SNTB2: variants seen among roughly 807,000 people sequenced by gnomAD.
SNTB2 encodes the protein beta-2-syntrophin.
In SNTB2, 34 loss-of-function variants were observed where a neutral mutation model predicts 46.2. The ratio of observed to expected loss-of-function variants is 0.74; its 90% CI spans 0.56 to 0.98. The LOEUF is 0.98. Among genes scored for constraint, SNTB2 ranks in the 50% least tolerant of loss-of-function variants. SNTB2 has a pLI of 0.00. For synonymous variants in SNTB2, 290 were observed against 312.6 expected, an observed-to-expected ratio of 0.93 and a Z score of 0.76; for missense variants, 603 against 731.4, an observed-to-expected ratio of 0.82 and a Z score of 2.02.
intron 1 of SNTB2, among the ~76,000 whole-genome samples, chr16:69,201,831 T>A (rs570447450): frequency 6.6e-6 from 1 of 152,306 alleles, no homozygotes; most frequent in Non-Finnish European, 1.5e-5. Flanking sequence ...TATTATTATT[T>A]TTTTTGAGTG....
chr16:69,296,019 C>T (rs1262613269), intron 5 of SNTB2, among the ~76,000 whole-genome samples: 1 of 152,230 alleles, frequency 6.6e-6, no homozygotes, highest in Non-Finnish European at 1.5e-5. Flanking sequence ...GTGGCTCATG[C>T]CTGTAATCCC....
chr16:69,198,582 T>G (rs1419927703), intron 1 of SNTB2, among the ~76,000 whole-genome samples: 2 of 152,212 alleles, frequency 1.3e-5, no homozygotes, highest in East Asian at 3.9e-4. Flanking sequence ...CCTCTCCTAC[T>G]TCTTCTGTGC....
At chr16:69,291,675 C>T (rs946227379) in intron 5 of SNTB2, among the ~76,000 whole-genome samples, 1 of 152,100 alleles carries the variant, frequency 6.6e-6, no homozygotes. Flanking sequence ...CACCACTGCA[C>T]TCCAGCTTAG....
rs1053513506 is a variant in SNTB2 at position 69,303,008 on chromosome 16, A to G, written c.*2084A>G. 4 of 152,010 alleles carry G rather than the reference A, an allele frequency of 2.6e-5. No homozygotes were observed. The highest frequency in any genetic ancestry group is 4.4e-5 in the Non-Finnish European group (3 of 68,102). 9.4% of individuals were successfully genotyped at this position (152,010 alleles called of 1,614,324 possible). A position where few individuals can be genotyped will look rare whatever the true frequency, so the allele number is the denominator to read the frequency against. ...GATTCTCCTGAGTAGCTGGGGTTAT[A>G]GCTACCCACCACCACACCCAGCTAA... On this transcript the variant is annotated 3_prime_UTR_variant, in exon 7 of 7. Transcript: ENST00000336278.
rs578067524 is a variant in SNTB2 at position 69,293,510 on chromosome 16, A to G, written c.1346-6080A>G. On this transcript the variant is annotated intron_variant, in intron 5 of 6. Transcript: ENST00000336278. ...AGAGATGCAAAACGATGTAATGGCA[A>G]TGGCAGATTGCAGAGGTCTGAGGAG... is the stretch of plus-strand genomic sequence containing the variant. Among the ~76,000 whole-genome samples, 4 of 152,194 alleles carry G rather than the reference A, an allele frequency of 2.6e-5. No individual in the cohort carries two copies. The South Asian group carries it at 6.2e-4, about 24-fold the overall frequency.
At chr16:69,238,999 C>T (rs1387303575) in intron 1 of SNTB2, among the ~76,000 whole-genome samples, 1 of 152,156 alleles carries the variant, frequency 6.6e-6, no homozygotes, top group Non-Finnish European at 1.5e-5. Context: ...GCCCCGTTAC[C>T]TTTGTGACCC....
chr16:69,197,892 T>G (rs1442595242), intron 1 of SNTB2, among the ~76,000 whole-genome samples: 12 of 152,222 alleles, frequency 7.9e-5, no homozygotes, highest in Non-Finnish European at 1.8e-4. Flanking sequence ...GTATTGTCTC[T>G]TCAAAGATTA....
chr16:69,218,328 A>T (rs2152293180), intron 1 of SNTB2, among the ~76,000 whole-genome samples: 1 of 152,286 alleles, frequency 6.6e-6, no homozygotes, highest in Non-Finnish European at 1.5e-5. Flanking sequence ...AATATTTGTC[A>T]TGGAATTTTG....
chr16:69,224,084 A>G (rs2152294005), intron 1 of SNTB2, among the ~76,000 whole-genome samples: 1 of 152,228 alleles, frequency 6.6e-6, no homozygotes, highest in Middle Eastern at 3.4e-3. Flanking sequence ...CAGAGAAGTG[A>G]TGTATCATTC....
chr16:69,215,396 AAAAAG>A (rs1221175535), intron 1 of SNTB2, among the ~76,000 whole-genome samples: 3 of 152,162 alleles, frequency 2.0e-5, no homozygotes, highest in Non-Finnish European at 4.4e-5. Context: ...CTAAAAATAA[AAAAAG>A]AAAAGTGAGA....
chr16:69,258,614 T>C (rs998063858), intron 2 of SNTB2, among the ~76,000 whole-genome samples: 3 of 142,986 alleles, frequency 2.1e-5, no homozygotes, highest in Admixed American at 2.1e-4. Context: ...TCTTTTTTTT[T>C]TTTTTTTTTT....
chr16:69,278,450 T>C (rs548276445), intron 4 of SNTB2, among the ~76,000 whole-genome samples: 2 of 151,920 alleles, frequency 1.3e-5, no homozygotes, highest in Admixed American at 1.3e-4. Context: ...TCACTTTTTT[T>C]TGTAGGGTTT....
intron 5 of SNTB2, among the ~76,000 whole-genome samples, chr16:69,294,732 A>G (rs929360087): frequency 6.6e-6 from 1 of 151,970 alleles, no homozygotes. Context: ...GACTCCATCT[A>G]AAATAAAATA....
intron 2 of SNTB2, among the ~76,000 whole-genome samples, chr16:69,254,791 A>G (rs764730899): frequency 7.9e-5 from 12 of 152,154 alleles, no homozygotes; most frequent in Non-Finnish European, 1.5e-5. Context: ...CAGCCTGGCA[A>G]CATAGTGAGA....
At chr16:69,203,076 G>T (rs1372953955) in intron 1 of SNTB2, among the ~76,000 whole-genome samples, 1 of 150,740 alleles carries the variant, frequency 6.6e-6, no homozygotes, top group Non-Finnish European at 1.5e-5. Flanking sequence ...TAGAGCTCAG[G>T]GGCGCGATCT....
chr16:69,295,983 T>C (rs1965219389), intron 5 of SNTB2, among the ~76,000 whole-genome samples: 1 of 152,116 alleles, frequency 6.6e-6, no homozygotes, highest in South Asian at 2.1e-4. Context: ...GTATTAATTA[T>C]ACATTTTAAA....
intron 5 of SNTB2, 123 bp downstream of exon 5, chr16:69,284,367 T>C (rs1211401551): frequency 1.6e-6 from 1 of 645,052 alleles, no homozygotes; most frequent in Admixed American, 3.8e-5. Context: ...CCTCAGATTA[T>C]ACTACTATAT....
intron 3 of SNTB2, among the ~76,000 whole-genome samples, chr16:69,263,825 C>T (rs1814459954): frequency 1.3e-5 from 2 of 151,550 alleles, no homozygotes; most frequent in African/African-American, 2.4e-5. Context: ...ACTTTGTATG[C>T]CAAGACTTTT....
At position 69,296,546 on chromosome 16, in the gene SNTB2, C is replaced by T. The variant is rs1419095764; in HGVS notation, c.1346-3044C>T. ...GACCAGCCTGGCCAACATGGTGAAA[C>T]CCTGTCTCTACTAAAAATACAAAAA... On this transcript the variant is annotated intron_variant, in intron 5 of 6. Transcript: ENST00000336278. Among the ~76,000 whole-genome samples, 23 of 142,852 alleles carry T rather than the reference C, an allele frequency of 1.6e-4. No homozygotes were observed. In the South Asian group the frequency reaches 4.8e-3, roughly 30 times the overall value. The allele number at this position is 142,852 out of a possible 152,430, so 93.7% of individuals were successfully genotyped here.
Sources: gnomAD v4.1 joint callset for allele counts (sites outside exome capture counted in the v4.1 genomes callset) on GRCh38, gnomAD v4.1.1 for gene constraint, MANE v1.5 for transcripts, NCBI Gene and HGNC (gene_info 2026-07-23, HGNC 2026-07-21) for gene names.